The following ACSS3 variants were observed in gnomAD, a reference collection of about 807,000 sequenced individuals.
ACSS3 encodes acyl-CoA synthetase short-chain family member 3, mitochondrial.
In ACSS3, 64 loss-of-function variants were observed where a neutral mutation model predicts 84.2. The observed-to-expected ratio is 0.76, with a 90% CI of 0.62 to 0.94. The LOEUF is 0.94. ACSS3 is among the 40% of genes least tolerant of loss of function. The pLI, the probability that ACSS3 is intolerant of heterozygous loss-of-function variation, is 0.00. For synonymous variants in ACSS3, 317 were observed against 310.1 expected, an observed-to-expected ratio of 1.02 and a Z score of -0.23; for missense variants, 815 against 867.6, an observed-to-expected ratio of 0.94 and a Z score of 0.76.
chr12:81,185,086 A>C (rs1021168645), intron 8 of ACSS3, among the ~76,000 whole-genome samples: 1 of 151,870 alleles, frequency 6.6e-6, no homozygotes, highest in African/African-American at 2.4e-5. Flanking sequence ...ACATAAATCT[A>C]TCAGTGTGAT....
chr12:81,127,253 T>C (rs1006577100), intron 2 of ACSS3, among the ~76,000 whole-genome samples: 9 of 151,952 alleles, frequency 5.9e-5, no homozygotes, highest in Admixed American at 5.9e-4. Context: ...TAGAAGCTTC[T>C]TATGTTATAT....
At chr12:81,238,571 A>G (rs1015297189) in intron 13 of ACSS3, among the ~76,000 whole-genome samples, 48 of 151,900 alleles carry the variant, frequency 3.2e-4, no homozygotes, top group African/African-American at 8.7e-4. Flanking sequence ...CAGATTGTCA[A>G]TTTCTTCCTG....
At chr12:81,114,581 C>T (rs1399665949) in intron 2 of ACSS3, among the ~76,000 whole-genome samples, 3 of 151,968 alleles carry the variant, frequency 2.0e-5, no homozygotes, top group East Asian at 3.9e-4. Context: ...TTATCTGTTT[C>T]CTTTCCTTAA....
intron 7 of ACSS3, among the ~76,000 whole-genome samples, chr12:81,152,403 G>A (rs1457686722): frequency 6.6e-6 from 1 of 152,110 alleles, no homozygotes; most frequent in Non-Finnish European, 1.5e-5. Context: ...CTAGAAAATA[G>A]TTATCATAAA....
At chr12:81,207,659 A>T (rs916424422) in intron 9 of ACSS3, among the ~76,000 whole-genome samples, 39 of 152,172 alleles carry the variant, frequency 2.6e-4, no homozygotes, top group Admixed American at 1.9e-3. Context: ...ATTCAAAAAA[A>T]CTTGGACTGT....
intron 2 of ACSS3, among the ~76,000 whole-genome samples, chr12:81,128,453 T>A (rs1254732687): frequency 2.0e-5 from 3 of 152,184 alleles, no homozygotes; most frequent in Non-Finnish European, 4.4e-5. Context: ...AATTCACACA[T>A]TGGTAGCATA....
intron 2 of ACSS3, among the ~76,000 whole-genome samples, chr12:81,122,785 A>G (rs1344839899): frequency 6.6e-6 from 1 of 152,122 alleles, no homozygotes; most frequent in Non-Finnish European, 1.5e-5. Flanking sequence ...TTTCTTTTTC[A>G]TTTTAGTCCA....
intron 8 of ACSS3, among the ~76,000 whole-genome samples, chr12:81,175,680 A>G (rs760588085): frequency 1.3e-5 from 2 of 152,242 alleles, no homozygotes; most frequent in Non-Finnish European, 2.9e-5. Flanking sequence ...AAATAAAAAT[A>G]GAGATTAATA....
At chr12:81,218,422 A>G (rs2032996859) in intron 10 of ACSS3, among the ~76,000 whole-genome samples, 2 of 152,204 alleles carry the variant, frequency 1.3e-5, no homozygotes, top group East Asian at 1.9e-4. Flanking sequence ...TGCTTCTCTA[A>G]CATAAAAATA....
intron 1 of ACSS3, among the ~76,000 whole-genome samples, chr12:81,085,298 C>T (rs1340902375): frequency 2.0e-5 from 3 of 152,106 alleles, no homozygotes; most frequent in African/African-American, 7.2e-5. Flanking sequence ...TTTTTAAATA[C>T]TACAGTGATT....
intron 2 of ACSS3, among the ~76,000 whole-genome samples, chr12:81,114,901 T>C (rs1477166158): frequency 6.6e-6 from 1 of 152,152 alleles, no homozygotes; most frequent in African/African-American, 2.4e-5. Flanking sequence ...GAAGCCCTTG[T>C]TGTGCCTCTA....
intron 7 of ACSS3, among the ~76,000 whole-genome samples, chr12:81,164,445 A>G (rs1461647073): frequency 1.3e-5 from 2 of 152,216 alleles, no homozygotes; most frequent in South Asian, 4.1e-4. Flanking sequence ...TACATTTTAT[A>G]CATGTGTAAA....
intron 2 of ACSS3, among the ~76,000 whole-genome samples, chr12:81,128,220 C>T (rs894349220): frequency 1.3e-5 from 2 of 151,832 alleles, no homozygotes; most frequent in Middle Eastern, 3.2e-3. Context: ...GGTGTAAGGA[C>T]CAACCATTTC....
intron 8 of ACSS3, among the ~76,000 whole-genome samples, chr12:81,199,113 C>G (rs986006210): frequency 6.6e-6 from 1 of 152,162 alleles, no homozygotes; most frequent in Non-Finnish European, 1.5e-5. Context: ...AAAGCACTAG[C>G]TGTGAATTCT....
rs1333006722 is a variant in ACSS3 at position 81,228,824 on chromosome 12, G to A, written c.1515-2233G>A. Among the ~76,000 whole-genome samples the A allele has an allele frequency of 5.9e-5, 9 of 151,952 alleles. No homozygotes were observed. In the South Asian group the frequency reaches 1.9e-3, roughly 31 times the overall value. ...TTGCAAACAGTTAGGAGTCTTTGCT[G>A]TGAGCAGATAGTGTGTGGATGCTGG... On this transcript the variant is annotated intron_variant, in intron 11 of 15. Coordinates refer to ENST00000548058, the MANE Select transcript of ACSS3 (RefSeq NM_024560.4).
chr12:81,213,558 C>CCTCCTCTCCTCTCCTCTCCTCTCCT (rs762606244), intron 9 of ACSS3, among the ~76,000 whole-genome samples: 12 of 112,898 alleles, frequency 1.1e-4, no homozygotes, highest in African/African-American at 4.2e-4. Flanking sequence ...AGTTCTCTTT[C>CCTCCTCTCCTCTCCTCTCCTCTCCT]CTCCTCTCCT....
chr12:81,250,445 G>A (rs765708893), intron 13 of ACSS3, among the ~76,000 whole-genome samples: 35 of 151,984 alleles, frequency 2.3e-4, no homozygotes, highest in Middle Eastern at 3.4e-3. Context: ...TTATATTATA[G>A]GAAATGTTGT....
chr12:81,105,872 A>G (rs1278054712), intron 1 of ACSS3, among the ~76,000 whole-genome samples: 1 of 152,192 alleles, frequency 6.6e-6, no homozygotes, highest in Non-Finnish European at 1.5e-5. Context: ...GGTAAGTGCT[A>G]TGGTGGAGAA....
At chr12:81,230,596 A>G (rs1163545783) in intron 11 of ACSS3, among the ~76,000 whole-genome samples, 1 of 151,858 alleles carries the variant, frequency 6.6e-6, no homozygotes, top group Non-Finnish European at 1.5e-5. Context: ...TTGATTATGA[A>G]ATAAGTTTTT....
Sources: allele counts gnomAD v4.1 joint callset (sites outside exome capture counted in the v4.1 genomes callset), GRCh38; gene constraint gnomAD v4.1.1; transcripts MANE v1.5; gene names NCBI Gene and HGNC (gene_info 2026-07-23, HGNC 2026-07-21).